The following ZCCHC2 variants were observed in gnomAD, a reference collection of about 807,000 sequenced individuals.
ZCCHC2 encodes the protein zinc finger CCHC-type containing 2.
ZCCHC2 carries 39 observed loss-of-function variants against 103.6 expected under a neutral mutation model. The ratio of observed to expected loss-of-function variants is 0.38; its 90% CI spans 0.29 to 0.49. The LOEUF is 0.49. ZCCHC2 is among the 20% of genes least tolerant of loss of function. The pLI, the probability that ZCCHC2 is intolerant of heterozygous loss-of-function variation, is 0.96. For missense variants in ZCCHC2, 1,483 were observed against 1,491.0 expected (o/e 0.99, Z 0.09); for synonymous variants, 687 against 608.9 (o/e 1.13, Z -1.89).
downstream of ZCCHC2, among the ~76,000 whole-genome samples, chr18:62,579,370 G>A (rs1442202657): frequency 6.6e-6 from 1 of 152,078 alleles, no homozygotes; most frequent in African/African-American, 2.4e-5. Flanking sequence ...GTTTTTAAAC[G>A]GTTGGTAATT....
chr18:62,586,689 A>G (rs180909379), exon 15 of ZCCHC2: 4 of 152,126 alleles, frequency 2.6e-5, no homozygotes, highest in Non-Finnish European at 5.9e-5. Flanking sequence ...CATGAAATTC[A>G]AACTTCAGTG....
intron 5 of ZCCHC2, among the ~76,000 whole-genome samples, chr18:62,553,179 TG>T (rs1915741979): frequency 6.6e-6 from 1 of 151,390 alleles, no homozygotes; most frequent in Non-Finnish European, 1.5e-5. Flanking sequence ...TGTGTGTGTG[TG>T]TGTGTGTGTG....
At chr18:62,573,404 ATTTGCTGT>A (rs1276053313) in intron 12 of ZCCHC2, among the ~76,000 whole-genome samples, 1 of 152,024 alleles carries the variant, frequency 6.6e-6, no homozygotes, top group African/African-American at 2.4e-5. Flanking sequence ...TGTTGTTTGT[ATTTGCTGT>A]TTTGCTGTTT....
At chr18:62,534,595 C>T (rs1447965865) in intron 1 of ZCCHC2, among the ~76,000 whole-genome samples, 2 of 152,130 alleles carry the variant, frequency 1.3e-5, no homozygotes, top group Admixed American at 1.3e-4. Context: ...GAAGTGAACG[C>T]TCTATAACAT....
At chr18:62,541,615 TATTC>T (rs770631358) in intron 2 of ZCCHC2, among the ~76,000 whole-genome samples, 33 of 152,180 alleles carry the variant, frequency 2.2e-4, no homozygotes, top group Non-Finnish European at 4.1e-4. Context: ...ACCTTTAGCA[TATTC>T]ATTATCAGCC....
At chr18:62,545,191 G>T (rs573483091) in intron 4 of ZCCHC2, among the ~76,000 whole-genome samples, 1 of 152,038 alleles carries the variant, frequency 6.6e-6, no homozygotes, top group East Asian at 1.9e-4. Context: ...TCCAAGACCA[G>T]ACTGGGCAAC....
At position 62,523,893 on chromosome 18, in the gene ZCCHC2, G is replaced by A. The variant is rs1347009468; in HGVS notation, c.469G>A (p.Asp157Asn). The A allele has an allele frequency of 1.4e-5, 21 of 1,540,188 alleles. No individual in the cohort carries two copies. ...GGAGGCCAAGGCCAACGGCCTCTCG[G>A]ACCCGGGGCCGCTGGCCGACTTCCG... Reference protein sequence around the residue: ...DSEAKANGLSDPGPLADFREP... With the variant: ...DSEAKANGLSNPGPLADFREP... The change falls in exon 1 of 14, where the codon GAC (aspartate) becomes AAC (asparagine). Residue 157 changes from aspartate to asparagine, a missense_variant. Around this residue, in one of 3 missense-constraint regions of ZCCHC2, gnomAD observed 568 missense variants for 525.1 expected, o/e 1.08. Coordinates refer to ENST00000269499, the MANE Select transcript of ZCCHC2 (RefSeq NM_017742.6).
At chr18:62,545,305 T>G (rs561087970) in intron 4 of ZCCHC2, among the ~76,000 whole-genome samples, 1 of 152,228 alleles carries the variant, frequency 6.6e-6, no homozygotes, top group South Asian at 2.1e-4. Context: ...GACTTCTTAG[T>G]AGAGAATGTG....
At position 62,578,121 on chromosome 18, in the gene ZCCHC2, A is replaced by G. The variant is rs1598971214; in HGVS notation, c.*1542A>G. On this transcript the variant is annotated 3_prime_UTR_variant, in exon 14 of 14. Transcript: ENST00000269499. ...TGCTTCATAAGTAGCATTTATATTT[A>G]TAGCACCAATGTACATTTTGAAACT... 6.6e-6 allele frequency: 1 copy of G among 152,344 alleles called. No individual in the cohort carries two copies. Among genetic ancestry groups the G allele is most frequent in the Non-Finnish European group, 1.5e-5 (1 of 67,996 alleles). 9.4% of individuals were successfully genotyped at this position (152,344 alleles called of 1,614,324 possible). A position where few individuals can be genotyped will look rare whatever the true frequency, so the allele number is the denominator to read the frequency against.
chr18:62,542,669 A>ATATATG (rs1915251536), intron 3 of ZCCHC2, 95 bp downstream of exon 3: 1 of 1,053,650 alleles, frequency 9.5e-7, no homozygotes, highest in African/African-American at 1.6e-5. Flanking sequence ...GGGAAAAGGT[A>ATATATG]TATATGTTTG....
intron 4 of ZCCHC2, among the ~76,000 whole-genome samples, chr18:62,548,119 T>C (rs1337325528): frequency 6.6e-6 from 1 of 152,178 alleles, no homozygotes; most frequent in Non-Finnish European, 1.5e-5. Context: ...AAACCTTTCA[T>C]TCCTCTGAAC....
chr18:62,526,843 G>C (rs1426248699), intron 1 of ZCCHC2: 1 of 151,718 alleles, frequency 6.6e-6, no homozygotes, highest in Non-Finnish European at 1.5e-5. Flanking sequence ...CGTGACCGGC[G>C]CGCCGGCCCC....
chr18:62,577,359 C>T lies in ZCCHC2; in HGVS notation c.*780C>T, dbSNP rs1026017305. The T allele has an allele frequency of 6.6e-6, 1 of 152,202 alleles. No individual in the cohort carries two copies. Among genetic ancestry groups the T allele is most frequent in the Admixed American group, 6.5e-5 (1 of 15,274 alleles). The allele number at this position is 152,202 out of a possible 1,614,324, so 9.4% of individuals were successfully genotyped here. The stretch of plus-strand genomic sequence containing the variant: ...TCCATCATCCTTTTTTAGCCTGTTG[C>T]TTCAGAGAGACACAAAGTGAACACA... On this transcript the variant is annotated 3_prime_UTR_variant, in exon 14 of 14. Coordinates refer to ENST00000269499, the MANE Select transcript of ZCCHC2 (RefSeq NM_017742.6).
intron 1 of ZCCHC2, among the ~76,000 whole-genome samples, chr18:62,527,549 A>G (rs1914488436): frequency 6.6e-6 from 1 of 152,230 alleles, no homozygotes; most frequent in Non-Finnish European, 1.5e-5. Context: ...TAAATATTAC[A>G]TTGGATTACA....
intron 1 of ZCCHC2, among the ~76,000 whole-genome samples, chr18:62,535,878 A>G (rs1914900973): frequency 6.6e-6 from 1 of 152,260 alleles, no homozygotes; most frequent in Non-Finnish European, 1.5e-5. Context: ...TCATTTGACA[A>G]TTGGGAAAAC....
intron 12 of ZCCHC2, among the ~76,000 whole-genome samples, chr18:62,573,719 C>T (rs1424002348): frequency 6.6e-6 from 1 of 152,088 alleles, no homozygotes; most frequent in Admixed American, 6.5e-5. Flanking sequence ...AAGTGGATTG[C>T]CTGAAGTTTA....
intron 12 of ZCCHC2, among the ~76,000 whole-genome samples, chr18:62,573,336 G>A (rs1319754658): frequency 6.6e-6 from 1 of 152,060 alleles, no homozygotes; most frequent in Non-Finnish European, 1.5e-5. Flanking sequence ...TGAAGGCTAG[G>A]TCCACGCTAT....
At chr18:62,541,649 A>C (rs1215495835) in intron 2 of ZCCHC2, among the ~76,000 whole-genome samples, 2 of 152,024 alleles carry the variant, frequency 1.3e-5, no homozygotes, top group Non-Finnish European at 2.9e-5. Context: ...CTCCCTCATT[A>C]TCCTGAAAGT....
chr18:62,574,704 G>T lies in ZCCHC2; in HGVS notation c.2623G>T (p.Val875Leu), dbSNP rs759593914. The part of the protein sequence containing the change: ...TDPITKSASQ[V>L]VGLNQMVPQI... ...CCCCATCACAAAATCTGCATCCCAA[G>T]TGGTAGGACTCAATCAAATGGTGCC... Residue 875 changes from valine (V) to leucine (L), a missense_variant, in exon 13 of 14, where the codon GTG (valine) becomes TTG (leucine). Physicochemically the swap from Val to Leu is conservative, Grantham distance 32. This residue lies in a region of ZCCHC2 where 884 missense variants were observed against 907.5 expected (regional missense o/e 0.97). Transcript: ENST00000269499. 9 of 1,614,000 alleles carry T rather than the reference G, an allele frequency of 5.6e-6. No homozygotes were observed. The South Asian group carries it at 9.9e-5, about 18-fold the overall frequency.
Sources: gnomAD v4.1 joint callset for allele counts (sites outside exome capture counted in the v4.1 genomes callset) on GRCh38, gnomAD v4.1.1 for gene constraint, gnomAD v4.1.1 regional missense constraint, MANE v1.5 for transcripts, NCBI Gene and HGNC (gene_info 2026-07-23, HGNC 2026-07-21) for gene names.